The following SCFD2 variants were observed in gnomAD, a reference collection of about 807,000 sequenced individuals.
The protein encoded by SCFD2 is sec1 family domain-containing protein 2.
Under a neutral mutation model 58.9 loss-of-function variants are expected in SCFD2, and 54 were observed. The ratio of observed to expected loss-of-function variants is 0.92; its 90% CI spans 0.74 to 1.15. The LOEUF is 1.15. Ranked by LOEUF, SCFD2 falls within the 50% of genes most tolerant of loss-of-function variation. The pLI, the probability that SCFD2 is intolerant of heterozygous loss-of-function variation, is 0.00. For missense variants in SCFD2, 805 were observed against 836.6 expected, an observed-to-expected ratio of 0.96 and a Z score of 0.47; for synonymous variants, 321 against 335.9, an observed-to-expected ratio of 0.96 and a Z score of 0.49.
In SCFD2 at chr4:53,099,600, C is replaced by T. The variant is rs1215993595; in HGVS notation, c.1561+45733G>A. 3.3e-5 allele frequency among the ~76,000 whole-genome samples: 5 copies of T among 152,292 alleles called. No individual in the cohort carries two copies. The East Asian group carries it at 9.6e-4, about 29-fold the overall frequency. ...ATGGTGGAAGGTGAAGGGGAGCCAG[C>T]ATGTGCAGAGATCACATTGTGAGAG... On this transcript the variant is annotated intron_variant, in intron 5 of 8. Coordinates refer to ENST00000401642, the MANE Select transcript of SCFD2 (RefSeq NM_152540.4).
chr4:53,293,331 A>G (rs1458639748), intron 3 of SCFD2, among the ~76,000 whole-genome samples: 1 of 151,954 alleles, frequency 6.6e-6, no homozygotes, highest in Admixed American at 6.6e-5. Context: ...GAGAAAGAAC[A>G]TCAAGAAAAA....
intron 2 of SCFD2, among the ~76,000 whole-genome samples, chr4:53,317,289 G>A (rs1732895253): frequency 6.6e-6 from 1 of 152,076 alleles, no homozygotes; most frequent in Non-Finnish European, 1.5e-5. Context: ...CACTGAAGAA[G>A]GTCAAAGTCA....
At chr4:53,040,254 T>C (rs960572956) in intron 5 of SCFD2, among the ~76,000 whole-genome samples, 8 of 152,170 alleles carry the variant, frequency 5.3e-5, no homozygotes, top group African/African-American at 1.9e-4. Context: ...TCTGAGACCA[T>C]GTAACTACCG....
At chr4:53,258,148 C>T in intron 4 of SCFD2, among the ~76,000 whole-genome samples, 1 of 152,164 alleles carries the variant, frequency 6.6e-6, no homozygotes, top group African/African-American at 2.4e-5. Flanking sequence ...TTGATAGCAT[C>T]AAGTTTTGTC....
At chr4:53,074,575 T>G (rs1296714518) in intron 5 of SCFD2, among the ~76,000 whole-genome samples, 1 of 152,160 alleles carries the variant, frequency 6.6e-6, no homozygotes, top group Non-Finnish European at 1.5e-5. Context: ...TTAAATAATA[T>G]GACTTAAAAA....
chr4:52,925,345 T>C (rs1719838968), intron 5 of SCFD2, among the ~76,000 whole-genome samples: 1 of 136,396 alleles, frequency 7.3e-6, no homozygotes, highest in Admixed American at 7.0e-5. Flanking sequence ...AAGCCATATA[T>C]ATATATATAC....
intron 5 of SCFD2, among the ~76,000 whole-genome samples, chr4:52,986,359 G>A (rs1325896160): frequency 6.6e-6 from 1 of 152,084 alleles, no homozygotes; most frequent in Non-Finnish European, 1.5e-5. Context: ...GACGGTGCAA[G>A]TTCAAAATTA....
intron 1 of SCFD2, among the ~76,000 whole-genome samples, chr4:53,354,626 C>T (rs576685120): frequency 4.6e-5 from 7 of 152,288 alleles, no homozygotes; most frequent in Non-Finnish European, 7.4e-5. Flanking sequence ...ACTTTGTCAC[C>T]TCTCACTAGC....
chr4:52,934,546 G>C (rs549584883), intron 5 of SCFD2, among the ~76,000 whole-genome samples: 1 of 152,274 alleles, frequency 6.6e-6, no homozygotes, highest in Non-Finnish European at 1.5e-5. Context: ...AAAAGCCTTG[G>C]GGCCCAATTT....
chr4:53,298,812 G>A (rs990447980), intron 3 of SCFD2, among the ~76,000 whole-genome samples: 6 of 152,150 alleles, frequency 3.9e-5, no homozygotes, highest in South Asian at 4.2e-4. Flanking sequence ...TGCAGCCACC[G>A]CTGCTGATAC....
intron 4 of SCFD2, among the ~76,000 whole-genome samples, chr4:53,189,912 T>C (rs1323216707): frequency 1.3e-5 from 2 of 152,186 alleles, no homozygotes; most frequent in African/African-American, 2.4e-5. Context: ...GAACACAACA[T>C]CACCCAATAA....
At chr4:53,256,497 C>T (rs1730637689) in intron 4 of SCFD2, among the ~76,000 whole-genome samples, 1 of 152,134 alleles carries the variant, frequency 6.6e-6, no homozygotes, top group South Asian at 2.1e-4. Context: ...GCAGAGGCTG[C>T]AATCTCGGCA....
At chr4:53,080,782 T>G (rs1724123419) in intron 5 of SCFD2, among the ~76,000 whole-genome samples, 1 of 152,174 alleles carries the variant, frequency 6.6e-6, no homozygotes. Flanking sequence ...GCACTGGGGA[T>G]GCACTGGAAA....
chr4:53,302,532 A>G (rs1732349118), intron 3 of SCFD2, among the ~76,000 whole-genome samples: 2 of 152,194 alleles, frequency 1.3e-5, no homozygotes, highest in African/African-American at 4.8e-5. Context: ...TGCCCAAGGT[A>G]ATTTATAGAT....
chr4:53,230,176 A>C (rs983173997), intron 4 of SCFD2, among the ~76,000 whole-genome samples: 21 of 152,332 alleles, frequency 1.4e-4, no homozygotes, highest in African/African-American at 4.3e-4. Context: ...TGTTGGTGGG[A>C]TTGTAAACTA....
At chr4:53,295,830 A>G (rs1732010502) in intron 3 of SCFD2, among the ~76,000 whole-genome samples, 2 of 152,190 alleles carry the variant, frequency 1.3e-5, no homozygotes, top group African/African-American at 4.8e-5. Flanking sequence ...TAGTTTATTG[A>G]GAGTTTTTAG....
chr4:53,280,530 A>G (rs1333836663), intron 3 of SCFD2, among the ~76,000 whole-genome samples: 3 of 152,034 alleles, frequency 2.0e-5, no homozygotes, highest in Admixed American at 2.0e-4. Context: ...AAAAAAAAAG[A>G]AAGAAAGCAA....
intron 7 of SCFD2, among the ~76,000 whole-genome samples, chr4:52,900,046 T>C (rs1415637711): frequency 6.6e-6 from 1 of 152,192 alleles, no homozygotes; most frequent in Non-Finnish European, 1.5e-5. Flanking sequence ...TAGTTATACA[T>C]TTGTCTAATT....
intron 4 of SCFD2, among the ~76,000 whole-genome samples, chr4:53,194,401 A>T (rs916416776): frequency 9.2e-5 from 14 of 152,158 alleles, no homozygotes; most frequent in Non-Finnish European, 1.9e-4. Context: ...CCTTTTTAGA[A>T]CCTATAATTA....
Sources: allele counts gnomAD v4.1 joint callset (sites outside exome capture counted in the v4.1 genomes callset), GRCh38; gene constraint gnomAD v4.1.1; transcripts MANE v1.5; gene names NCBI Gene and HGNC (gene_info 2026-07-23, HGNC 2026-07-21).